CYP26C1: variants seen among roughly 807,000 people sequenced by gnomAD.
CYP26C1 encodes the protein cytochrome P450 26C1.
CYP26C1 carries 41 observed loss-of-function variants against 39.1 expected under a neutral mutation model. The observed-to-expected ratio is 1.05, with a 90% confidence interval of 0.82 to 1.36. The LOEUF is 1.36. CYP26C1 is among the 40% of genes most tolerant of loss of function. CYP26C1 has a pLI of 0.00. For missense variants in CYP26C1, 833 were observed against 752.0 expected, an observed-to-expected ratio of 1.11 and a Z score of -1.26; for synonymous variants, 362 against 350.8, an observed-to-expected ratio of 1.03 and a Z score of -0.36.
chr10:93,068,291 G>A lies in CYP26C1; in HGVS notation c.1192-29G>A, dbSNP rs375453881. On this transcript the variant is annotated intron_variant, in intron 5 of 5. Transcript: ENST00000651965. ...CCCCCCCGTTTCCAGGTGCCTCGTG[G>A]TCAGGCTGATCTCCTCGCCTCTCTG... 1.8e-3 allele frequency: 2,619 copies of A among 1,482,250 alleles called. 3 individuals are homozygous for A. Among genetic ancestry groups the A allele is most frequent in the Non-Finnish European group, 2.2e-3 (2,414 of 1,116,622 alleles). The allele number at this position is 1,482,250 out of a possible 1,614,324, so 91.8% of individuals were successfully genotyped here.
chr10:93,060,997 T>G lies in CYP26C1; in HGVS notation c.-267T>G. The G allele has an allele frequency of 4.1e-6, 2 of 483,268 alleles. No individual in the cohort carries two copies. Among genetic ancestry groups the G allele is most frequent in the Admixed American group, 4.2e-5 (1 of 23,788 alleles). 29.9% of individuals were successfully genotyped at this position (483,268 alleles called of 1,614,324 possible). A position where few individuals can be genotyped will look rare whatever the true frequency, so the allele number is the denominator to read the frequency against. ...CAGGCACCTTCGAGAGGGACTGGCA[T>G]TTGGGCCCAGGAGCCAGGAAAAAGT... On this transcript the variant is annotated 5_prime_UTR_variant, in exon 1 of 6. Coordinates refer to ENST00000651965, the MANE Select transcript of CYP26C1 (RefSeq NM_183374.3).
Position 93,069,049 on chromosome 10 carries a change from G to T in CYP26C1, c.*352G>T. On this transcript the variant is annotated 3_prime_UTR_variant, in exon 6 of 6. Coordinates refer to ENST00000651965, the MANE Select transcript of CYP26C1 (RefSeq NM_183374.3). ...CCAATCCAGGGAGGGTGCATGGATG[G>T]GGGAAGGCGAGGTAGGGGTGGCAGG... The T allele has an allele frequency of 4.4e-6, 1 of 226,740 alleles. No individual in the cohort carries two copies. Among genetic ancestry groups the T allele is most frequent in the Non-Finnish European group, 8.5e-6 (1 of 117,106 alleles). 14.0% of individuals were successfully genotyped at this position (226,740 alleles called of 1,614,324 possible).
chr10:93,068,935 C>T lies in CYP26C1; in HGVS notation c.*238C>T, dbSNP rs1846863981. ...GGGAAGATGCCTTCTGCGCTCCGCG[C>T]CCAGAGGAAGGAAAATGTCGTGGGC... On this transcript the variant is annotated 3_prime_UTR_variant, in exon 6 of 6. Coordinates refer to ENST00000651965, the MANE Select transcript of CYP26C1 (RefSeq NM_183374.3). 1.7e-6 allele frequency: 1 copy of T among 597,998 alleles called. No homozygotes were observed. Among genetic ancestry groups the T allele is most frequent in the South Asian group, 3.9e-5 (1 of 25,676 alleles). 37.0% of individuals were successfully genotyped at this position (597,998 alleles called of 1,614,324 possible).
Position 93,062,869 on chromosome 10 carries a change from C to A in CYP26C1, c.579C>A (p.Ala193=). Residue 193 remains alanine (A), a synonymous_variant, in exon 3 of 6, where the codon GCC becomes GCA. Transcript: ENST00000651965. ...DASKALTFRM[A]ARILLGLRLD... ...CCAAAGCGCTCACCTTCCGCATGGC[C>A]GCGCGCATCCTGCTGGGGTTGCGGC... The A allele has an allele frequency of 1.9e-6, 3 of 1,603,156 alleles. No homozygotes were observed. Among genetic ancestry groups the A allele is most frequent in the Middle Eastern group, 1.7e-4 (1 of 5,950 alleles).
At position 93,061,182 on chromosome 10, in the gene CYP26C1, G is replaced by A; in HGVS notation, c.-82G>A. ...GGCCTTTTGCGGACGGAACAGGTGAGCACTGCGCACTGCTCGCGCCCCGGT... is the reference window on the plus strand; with the variant it reads ...GGCCTTTTGCGGACGGAACAGGTGAACACTGCGCACTGCTCGCGCCCCGGT... On this transcript the variant is annotated 5_prime_UTR_variant, in exon 1 of 6. Transcript: ENST00000651965. 1 of 1,428,442 alleles carries A rather than the reference G, an allele frequency of 7.0e-7. No individual in the cohort carries two copies. The highest frequency in any genetic ancestry group is 2.1e-5 in the Admixed American group (1 of 48,704). 88.5% of individuals were successfully genotyped at this position (1,428,442 alleles called of 1,614,324 possible). A position where few individuals can be genotyped will look rare whatever the true frequency, so the allele number is the denominator to read the frequency against.
chr10:93,064,196 T>C (rs1166954257), intron 3 of CYP26C1, 185 bp from the exon 4 acceptor site: 1 of 1,389,156 alleles, frequency 7.2e-7, no homozygotes, highest in Non-Finnish European at 9.4e-7. Flanking sequence ...ATGATGTTTG[T>C]GGACAGTGGA....
At chr10:93,064,776 G>T in intron 4 of CYP26C1, 1 of 1,214,560 alleles carries the variant, frequency 8.2e-7, no homozygotes, top group Non-Finnish European at 1.0e-6. Context: ...AGAATCCTAG[G>T]CCCATCTTTG....
At chr10:93,067,516 G>GC (rs1325191761) in intron 5 of CYP26C1, among the ~76,000 whole-genome samples, 1 of 152,206 alleles carries the variant, frequency 6.6e-6, no homozygotes, top group Non-Finnish European at 1.5e-5. Flanking sequence ...AAGGGTCTTA[G>GC]CCACCTCCAG....
chr10:93,061,322 T>C lies in CYP26C1; in HGVS notation c.59T>C (p.Leu20Pro), dbSNP rs758554699. Residue 20 changes from leucine to proline, a missense_variant, in exon 1 of 6, where the codon CTG becomes CCG. Transcript: ENST00000651965. ...SVLGAAGTAL[L>P]CAGLLLSLAQ... ...CTGGGGGCGGCGGGCACTGCTCTCC[T>C]GTGCGCGGGCCTGCTGCTCAGCCTG... is the stretch of plus-strand genomic sequence containing the variant. 1 of 1,596,102 alleles carries C rather than the reference T, an allele frequency of 6.3e-7. No homozygotes were observed. Among genetic ancestry groups the C allele is most frequent in the Non-Finnish European group, 8.5e-7 (1 of 1,172,344 alleles).
At position 93,062,246 on chromosome 10, in the gene CYP26C1, C is replaced by T. The variant is rs762031353; in HGVS notation, c.429+12C>T. The T allele has an allele frequency of 8.4e-5, 127 of 1,514,096 alleles. 1 individual carries two copies. Among genetic ancestry groups the T allele is most frequent in the Non-Finnish European group, 1.1e-4 (124 of 1,134,980 alleles). The allele number at this position is 1,514,096 out of a possible 1,614,324, so 93.8% of individuals were successfully genotyped here. On this transcript the variant is annotated intron_variant, in intron 2 of 5. Coordinates refer to ENST00000651965, the MANE Select transcript of CYP26C1 (RefSeq NM_183374.3). ...GGCGGCGGCGCAAGGTGAGTGGAAA[C>T]GGGAATGGACCGTAGATACGTCGGA...
In CYP26C1 at chr10:93,061,248, C is replaced by A. The variant is rs1429075069; in HGVS notation, c.-16C>A. The A allele has an allele frequency of 6.4e-7, 1 of 1,553,048 alleles. No homozygotes were observed. The highest frequency in any genetic ancestry group is 8.7e-7 in the Non-Finnish European group (1 of 1,151,424). On this transcript the variant is annotated 5_prime_UTR_variant, in exon 1 of 6. Transcript: ENST00000651965. The stretch of plus-strand genomic sequence containing the variant: ...TCTCCCTGCGCTCTGAGCGGCCTGG[C>A]CCCCGCGGGCTCATCATGTTCCCTT...
chr10:93,066,331 G>GCCT (rs1846828145), intron 5 of CYP26C1, 46 bp downstream of exon 5: 8 of 294,604 alleles, frequency 2.7e-5, no homozygotes, highest in African/African-American at 2.1e-4. Flanking sequence ...GCCTCCTGCC[G>GCCT]CCTGCCGCCT....
At chr10:93,064,838 T>G in intron 4 of CYP26C1, 1 of 1,075,164 alleles carries the variant, frequency 9.3e-7, no homozygotes, top group Non-Finnish European at 1.1e-6. Context: ...CCACTGCCCT[T>G]CTCTGCCACT....
Position 93,062,055 on chromosome 10 carries a change from T to C in CYP26C1, c.250T>C (p.Phe84Leu), listed in dbSNP as rs767662290. 3.2e-6 allele frequency: 5 copies of C among 1,580,948 alleles called. No individual in the cohort carries two copies. The highest frequency in any genetic ancestry group is 4.3e-6 in the Non-Finnish European group (5 of 1,164,618). Residue 84 changes from phenylalanine to leucine, a missense_variant, in exon 2 of 6, where the codon TTC becomes CTC. Transcript: ENST00000651965. ...SSRRERYGTV[F>L]KTHLLGRPVI... ...TCGCCGAGAGCGCTATGGGACAGTGTTCAAGACGCACCTGCTGGGCAGGCC... is the reference window on the plus strand; with the variant it reads ...TCGCCGAGAGCGCTATGGGACAGTGCTCAAGACGCACCTGCTGGGCAGGCC...
chr10:93,061,985 T>G, intron 1 of CYP26C1, 25 bp from the exon 2 acceptor site: 1 of 1,547,204 alleles, frequency 6.5e-7, no homozygotes, highest in Non-Finnish European at 8.7e-7. Context: ...AAGTTCCAGC[T>G]CTCCACCCTC....
At chr10:93,065,042 C>T (rs905070354) in intron 4 of CYP26C1, among the ~76,000 whole-genome samples, 6 of 152,156 alleles carry the variant, frequency 3.9e-5, no homozygotes, top group Admixed American at 3.9e-4. Flanking sequence ...TGTGGATCTC[C>T]TGGAGAATTA....
intron 4 of CYP26C1, chr10:93,064,757 C>A (rs537403069): frequency 4.1e-5 from 52 of 1,274,380 alleles, no homozygotes; most frequent in Non-Finnish European, 5.1e-5. Context: ...AGTAGGAGAA[C>A]TGAAGGCAAG....
At position 93,069,065 on chromosome 10, in the gene CYP26C1, G is replaced by T. The variant is rs1590139370; in HGVS notation, c.*368G>T. 5.0e-6 allele frequency: 1 copy of T among 201,650 alleles called. No individual in the cohort carries two copies. Among genetic ancestry groups the T allele is most frequent in the Non-Finnish European group, 9.9e-6 (1 of 100,902 alleles). The allele number at this position is 201,650 out of a possible 1,614,324, so 12.5% of individuals were successfully genotyped here. A position where few individuals can be genotyped will look rare whatever the true frequency, so the allele number is the denominator to read the frequency against. On this transcript the variant is annotated 3_prime_UTR_variant, in exon 6 of 6. Transcript: ENST00000651965. ...GCATGGATGGGGGAAGGCGAGGTAG[G>T]GGTGGCAGGGGAGTGGGAATATTGC... is the stretch of plus-strand genomic sequence containing the variant.
chr10:93,062,041 G>A lies in CYP26C1; in HGVS notation c.236G>A (p.Arg79His), dbSNP rs1274907775. ...CGCTTCCACAGTTCTCGCCGAGAGC[G>A]CTATGGGACAGTGTTCAAGACGCAC... is the stretch of plus-strand genomic sequence containing the variant. ...GSRFHSSRRE[R>H]YGTVFKTHLL... The change falls in exon 2 of 6, where the codon CGC (arginine) becomes CAC (histidine). Residue 79 changes from arginine to histidine, a missense_variant. Arg to His is a conservative substitution (Grantham distance 29). Coordinates refer to ENST00000651965, the MANE Select transcript of CYP26C1 (RefSeq NM_183374.3). 3.8e-6 allele frequency: 6 copies of A among 1,576,160 alleles called. No homozygotes were observed. Among genetic ancestry groups the A allele is most frequent in the Non-Finnish European group, 5.2e-6 (6 of 1,161,770 alleles).
Sources: gnomAD v4.1 joint callset for allele counts (sites outside exome capture counted in the v4.1 genomes callset) on GRCh38, gnomAD v4.1.1 for gene constraint, MANE v1.5 for transcripts, NCBI Gene and HGNC (gene_info 2026-07-23, HGNC 2026-07-21) for gene names.